GRIP1: variants seen among roughly 807,000 people sequenced by gnomAD.
GRIP1 encodes glutamate receptor interacting protein 1.
In GRIP1, 45 loss-of-function variants were observed where a neutral mutation model predicts 129.9. The observed-to-expected ratio is 0.35, with a 90% CI of 0.27 to 0.44. The LOEUF is 0.44. GRIP1 is among the 20% of genes least tolerant of loss of function. The probability of loss-of-function intolerance (pLI) is 1.00; values close to 1 mark genes in which losing one functional copy is unlikely to be tolerated. For missense variants in GRIP1, 1,196 were observed against 1,396.8 expected (o/e 0.86, Z 2.29); for synonymous variants, 530 against 520.8 (o/e 1.02, Z -0.24).
rs150925433 is a variant in GRIP1, at chr12:66,821,823, T to C, written c.59-224896A>G. Among the ~76,000 whole-genome samples the C allele has an allele frequency of 3.1e-3, 474 of 152,268 alleles. 4 individuals are homozygous for C. The highest frequency in any genetic ancestry group is 0.01 in the African/African-American group (436 of 41,554). On this transcript the variant is annotated intron_variant, in intron 1 of 1. Coordinates refer to the GRIP1 transcript ENST00000643019. ...CATCAGAATAGGGATGGTGATTCTG[T>C]ATACATTTCATCACACAACAAAAAG...
chr12:66,968,625 ATAACT>A (rs1428983472), intron 1 of GRIP1, among the ~76,000 whole-genome samples: 3 of 152,156 alleles, frequency 2.0e-5, no homozygotes, highest in African/African-American at 4.8e-5. Context: ...TGTAGTTCAG[ATAACT>A]TAAAGTATTT....
chr12:66,974,762 G>A (rs2042127839), intron 1 of GRIP1, among the ~76,000 whole-genome samples: 1 of 152,128 alleles, frequency 6.6e-6, no homozygotes, highest in Non-Finnish European at 1.5e-5. Context: ...GAAGTATCCA[G>A]GTCATAGACA....
At chr12:66,880,225 A>C (rs1269404836) in intron 1 of GRIP1, among the ~76,000 whole-genome samples, 1 of 152,144 alleles carries the variant, frequency 6.6e-6, no homozygotes, top group Non-Finnish European at 1.5e-5. Flanking sequence ...TGCACAAAGG[A>C]AGGAGCAGAT....
chr12:66,942,121 A>G (rs2041595732), intron 1 of GRIP1, among the ~76,000 whole-genome samples: 1 of 152,200 alleles, frequency 6.6e-6, no homozygotes, highest in African/African-American at 2.4e-5. Flanking sequence ...ATAGATAGGT[A>G]TTGTTGTGTT....
intron 1 of GRIP1, among the ~76,000 whole-genome samples, chr12:66,639,185 G>A (rs4290313): frequency 0.2 from 30,401 of 151,996 alleles, 3,143 homozygotes; most frequent in Non-Finnish European, 0.23. Context: ...GTATACCACC[G>A]TTAGTAGGGT....
chr12:66,840,576 G>A (rs762496958), intron 1 of GRIP1, among the ~76,000 whole-genome samples: 6 of 152,188 alleles, frequency 3.9e-5, no homozygotes, highest in Non-Finnish European at 8.8e-5. Context: ...TTTCTTGCCA[G>A]TGATGTTATT....
chr12:66,420,678 A>C (rs765602223), intron 15 of GRIP1, 42 bp downstream of exon 15: 1 of 1,061,424 alleles, frequency 9.4e-7, no homozygotes. Context: ...TACTTAAATT[A>C]AGAGAGGCCT....
At chr12:66,509,853 T>C (rs776248319) in intron 7 of GRIP1, among the ~76,000 whole-genome samples, 29 of 152,154 alleles carry the variant, frequency 1.9e-4, no homozygotes, top group Non-Finnish European at 2.8e-4. Context: ...CTGGGCTTAA[T>C]ACTTAGGTGA....
intron 1 of GRIP1, among the ~76,000 whole-genome samples, chr12:66,970,821 T>C (rs1046939735): frequency 4.6e-5 from 7 of 152,204 alleles, no homozygotes; most frequent in African/African-American, 1.4e-4. Flanking sequence ...CACAGGAATC[T>C]AGAGGTGCCT....
At chr12:66,992,459 A>G (rs1349550872) in intron 1 of GRIP1, among the ~76,000 whole-genome samples, 1 of 152,232 alleles carries the variant, frequency 6.6e-6, no homozygotes, top group Admixed American at 6.5e-5. Flanking sequence ...AGAGCCAAAT[A>G]GGTAGGTGGC....
chr12:66,863,192 G>T (rs2040142481), intron 1 of GRIP1, among the ~76,000 whole-genome samples: 1 of 152,038 alleles, frequency 6.6e-6, no homozygotes, highest in East Asian at 1.9e-4. Flanking sequence ...ACATTTTTGA[G>T]CCCCATTGGA....
chr12:66,394,443 A>C, intron 16 of GRIP1, 91 bp from the exon 17 acceptor site: 1 of 1,058,696 alleles, frequency 9.4e-7, no homozygotes, highest in Non-Finnish European at 1.5e-6. Flanking sequence ...AATTCAAAAC[A>C]TCCTCGTCAA....
chr12:67,003,290 A>C (rs2042578674), intron 1 of GRIP1, among the ~76,000 whole-genome samples: 1 of 152,228 alleles, frequency 6.6e-6, no homozygotes, highest in African/African-American at 2.4e-5. Context: ...AAATTGTTGT[A>C]CTTAGACTAT....
Position 66,754,573 on chromosome 12 carries a change from G to A in GRIP1, c.-420+49480C>T, listed in dbSNP as rs115843109. On this transcript the variant is annotated intron_variant, in intron 1 of 4. Coordinates refer to the GRIP1 transcript ENST00000538373. ...TGACTCCTAGCAAGGGCAGAGAGCC[G>A]TCACTACACTGTCTGCTCAAGGTAG... Among the ~76,000 whole-genome samples the A allele has an allele frequency of 2.0e-3, 299 of 152,250 alleles. 3 individuals carry two copies. The highest frequency in any genetic ancestry group is 6.5e-3 in the African/African-American group (269 of 41,534).
intron 1 of GRIP1, among the ~76,000 whole-genome samples, chr12:66,815,758 C>T (rs890163330): frequency 3.4e-5 from 5 of 147,054 alleles, no homozygotes; most frequent in African/African-American, 7.3e-5. Context: ...AATAAGACCC[C>T]GACTCAAACC....
At chr12:66,559,033 T>G (rs2139379462) in intron 2 of GRIP1, among the ~76,000 whole-genome samples, 1 of 151,312 alleles carries the variant, frequency 6.6e-6, no homozygotes, top group South Asian at 2.1e-4. Context: ...CCTACACAAA[T>G]CAATCAGTGT....
chr12:66,766,423 G>A (rs1480322667), intron 1 of GRIP1, among the ~76,000 whole-genome samples: 3 of 152,184 alleles, frequency 2.0e-5, no homozygotes, highest in African/African-American at 4.8e-5. Context: ...CTCTTTGCCA[G>A]CACACGGCAC....
chr12:66,391,941 A>G (rs1034410205), intron 19 of GRIP1, among the ~76,000 whole-genome samples: 1 of 152,166 alleles, frequency 6.6e-6, no homozygotes, highest in Non-Finnish European at 1.5e-5. Context: ...AAACTCCCCA[A>G]TCCATCTTTG....
intron 16 of GRIP1, 128 bp downstream of exon 16, chr12:66,406,155 C>A: frequency 1.2e-6 from 1 of 854,544 alleles, no homozygotes; most frequent in Middle Eastern, 2.9e-4. Flanking sequence ...TTTAAAGACT[C>A]TTTTAGCTGT....
Sources: gnomAD v4.1 joint callset for allele counts (sites outside exome capture counted in the v4.1 genomes callset) on GRCh38, gnomAD v4.1.1 for gene constraint, MANE v1.5 for transcripts, NCBI Gene and HGNC (gene_info 2026-07-23, HGNC 2026-07-21) for gene names.